Variants in CRPPA observed in about 807,000 individuals in gnomAD.
CRPPA encodes the protein D-ribitol-5-phosphate cytidylyltransferase.
In CRPPA, 43 loss-of-function variants were observed where a neutral mutation model predicts 52.0. That is an observed-to-expected ratio of 0.83 (90% CI 0.65 to 1.07). CRPPA has a LOEUF of 1.07. Among genes scored for constraint, CRPPA ranks in the 50% least tolerant of loss-of-function variants. The pLI, the probability that CRPPA is intolerant of heterozygous loss-of-function variation, is 0.00. For synonymous variants in CRPPA, 250 were observed against 203.5 expected (o/e 1.23, Z -1.94); for missense variants, 629 against 551.7 (o/e 1.14, Z -1.40).
At chr7:16,292,673 C>A (rs1010913416) in intron 5 of CRPPA, among the ~76,000 whole-genome samples, 4 of 151,906 alleles carry the variant, frequency 2.6e-5, no homozygotes, top group Non-Finnish European at 5.9e-5. Context: ...TATTTGCAAA[C>A]TAAATATAGC....
intron 8 of CRPPA, among the ~76,000 whole-genome samples, chr7:16,239,559 C>CAA (rs751232682): frequency 0.025 from 1,189 of 47,526 alleles, 107 homozygotes; most frequent in African/African-American, 0.029. Context: ...AAGTCAATAG[C>CAA]AAAAAAAAAA....
At chr7:16,143,893 T>C (rs935716781) in intron 9 of CRPPA, among the ~76,000 whole-genome samples, 1 of 152,108 alleles carries the variant, frequency 6.6e-6, no homozygotes, top group African/African-American at 2.4e-5. Flanking sequence ...AGGTGGGTAA[T>C]GTCAAAAAAA....
intron 3 of CRPPA, among the ~76,000 whole-genome samples, chr7:16,355,676 G>C (rs1442188595): frequency 6.6e-6 from 1 of 152,182 alleles, no homozygotes; most frequent in Non-Finnish European, 1.5e-5. Flanking sequence ...CACTTAGCTA[G>C]AAACAAAAGG....
At chr7:16,252,227 G>A (rs1209511533) in intron 8 of CRPPA, among the ~76,000 whole-genome samples, 1 of 151,606 alleles carries the variant, frequency 6.6e-6, no homozygotes, top group African/African-American at 2.4e-5. Flanking sequence ...CTTCATCCCT[G>A]GGATGCAAGG....
At chr7:16,175,395 C>T (rs1046995849) in intron 9 of CRPPA, among the ~76,000 whole-genome samples, 1 of 152,044 alleles carries the variant, frequency 6.6e-6, no homozygotes, top group African/African-American at 2.4e-5. Context: ...ATATACATTA[C>T]TTGTTTTTAA....
At chr7:16,399,121 C>T (rs572898512) in intron 2 of CRPPA, among the ~76,000 whole-genome samples, 5 of 152,126 alleles carry the variant, frequency 3.3e-5, no homozygotes, top group East Asian at 3.9e-4. Context: ...TGGGTCAGCA[C>T]GTGACATTTC....
At chr7:16,323,373 T>C (rs1222159424) in intron 3 of CRPPA, among the ~76,000 whole-genome samples, 1 of 152,204 alleles carries the variant, frequency 6.6e-6, no homozygotes, top group East Asian at 1.9e-4. Flanking sequence ...ATTTTAGGTT[T>C]GGTCATATGA....
intron 1 of CRPPA, among the ~76,000 whole-genome samples, chr7:16,409,732 C>T (rs567302393): frequency 4.6e-5 from 7 of 152,214 alleles, no homozygotes; most frequent in South Asian, 2.1e-4. Flanking sequence ...CAAAAAGATC[C>T]GAATATACAA....
chr7:16,162,942 T>C (rs1317158864), intron 9 of CRPPA, among the ~76,000 whole-genome samples: 2 of 151,804 alleles, frequency 1.3e-5, no homozygotes, highest in African/African-American at 4.8e-5. Flanking sequence ...TGCCCTTCTT[T>C]GTCTTTTTTT....
At chr7:16,213,203 T>G (rs977879555) in intron 9 of CRPPA, among the ~76,000 whole-genome samples, 4 of 152,192 alleles carry the variant, frequency 2.6e-5, no homozygotes, top group African/African-American at 9.7e-5. Context: ...ATACAGATTT[T>G]TAGGTGATTA....
chr7:16,343,563 G>A (rs1221650227), intron 3 of CRPPA, among the ~76,000 whole-genome samples: 1 of 151,244 alleles, frequency 6.6e-6, no homozygotes, highest in Non-Finnish European at 1.5e-5. Flanking sequence ...GTTTCCCACT[G>A]CAGCATTTTC....
intron 5 of CRPPA, among the ~76,000 whole-genome samples, chr7:16,286,044 A>AATATATATAT (rs1175134468): frequency 0.01 from 126 of 12,512 alleles, 1 homozygote; most frequent in Non-Finnish European, 0.013. Flanking sequence ...AAAAAATATA[A>AATATATATAT]ATATATATAT....
Position 16,088,804 on chromosome 7 carries a change from G to C in CRPPA, c.*2891C>G, listed in dbSNP as rs1449300794. 1.2e-5 allele frequency: 2 copies of C among 161,300 alleles called. No individual in the cohort carries two copies. The highest frequency in any genetic ancestry group is 4.8e-5 in the African/African-American group (2 of 41,512). The allele number at this position is 161,300 out of a possible 1,614,324, so 10.0% of individuals were successfully genotyped here. A position where few individuals can be genotyped will look rare whatever the true frequency, so the allele number is the denominator to read the frequency against. Reference sequence around the variant, plus strand: ...TTTAGCTACAATTTCTTTATGCTGGGAAGGTGGCTGGAAAGCCAAAAGCTC... The same window carrying C: ...TTTAGCTACAATTTCTTTATGCTGGCAAGGTGGCTGGAAAGCCAAAAGCTC... On this transcript the variant is annotated 3_prime_UTR_variant, in exon 10 of 10. Coordinates refer to ENST00000407010, the MANE Select transcript of CRPPA (RefSeq NM_001101426.4).
chr7:16,302,692 A>G (rs1298806273), intron 4 of CRPPA, among the ~76,000 whole-genome samples: 1 of 152,176 alleles, frequency 6.6e-6, no homozygotes, highest in African/African-American at 2.4e-5. Flanking sequence ...GAGCTGAACT[A>G]GGTGAGTGCC....
In CRPPA at chr7:16,101,531, T is replaced by G. The variant is rs532150835; in HGVS notation, c.1252-9732A>C. On this transcript the variant is annotated intron_variant, in intron 9 of 9. Coordinates refer to ENST00000407010, the MANE Select transcript of CRPPA (RefSeq NM_001101426.4). The stretch of plus-strand genomic sequence containing the variant: ...CATTTTTTTATTGCATCTATATGAT[T>G]CTTCTCTCTTTTCTTCTTTATTATT... Among the ~76,000 whole-genome samples, 412 of 152,284 alleles carry G rather than the reference T, an allele frequency of 2.7e-3. 3 individuals carry two copies. The highest frequency in any genetic ancestry group is 9.5e-3 in the African/African-American group (394 of 41,566).
intron 6 of CRPPA, chr7:16,277,364 CAAAAAAAAAA>C (rs35386502): frequency 1.3e-5 from 1 of 77,696 alleles, no homozygotes; most frequent in Admixed American, 1.7e-4. Context: ...GACTCCATCT[CAAAAAAAAAA>C]AAAAAAAAAA....
chr7:16,176,261 AT>A (rs144487821), intron 9 of CRPPA, among the ~76,000 whole-genome samples: 2,414 of 152,294 alleles, frequency 0.016, 24 homozygotes, highest in Non-Finnish European at 0.024. Context: ...TGTCAGTTTA[AT>A]ATCCTAGAGG....
At chr7:16,240,446 T>C (rs1783072755) in intron 8 of CRPPA, among the ~76,000 whole-genome samples, 1 of 151,880 alleles carries the variant, frequency 6.6e-6, no homozygotes, top group Non-Finnish European at 1.5e-5. Flanking sequence ...ATAATAAAGC[T>C]ATAGTTTTTC....
At chr7:16,328,113 T>G (rs1250584921) in intron 3 of CRPPA, among the ~76,000 whole-genome samples, 1 of 152,242 alleles carries the variant, frequency 6.6e-6, no homozygotes, top group Non-Finnish European at 1.5e-5. Context: ...ATGAACCACA[T>G]GTCCATTTAT....
Sources: allele counts gnomAD v4.1 joint callset (sites outside exome capture counted in the v4.1 genomes callset), GRCh38; gene constraint gnomAD v4.1.1; transcripts MANE v1.5; gene names NCBI Gene and HGNC (gene_info 2026-07-23, HGNC 2026-07-21).